CRYGS: variants seen among roughly 807,000 people sequenced by gnomAD.
The protein encoded by CRYGS is gamma-crystallin S.
Under a neutral mutation model 21.3 loss-of-function variants are expected in CRYGS, and 13 were observed. The observed-to-expected ratio is 0.61, with a 90% CI of 0.40 to 0.97. CRYGS has a LOEUF of 0.97. CRYGS is among the 50% of genes least tolerant of loss of function. The pLI is 0.00. For synonymous variants in CRYGS, 67 were observed against 75.0 expected, an observed-to-expected ratio of 0.89 and a Z score of 0.55; for missense variants, 205 against 229.7, an observed-to-expected ratio of 0.89 and a Z score of 0.69.
Position 186,544,355 on chromosome 3 carries a change from G to A in CRYGS, c.-29C>T, listed in dbSNP as rs956878374. On this transcript the variant is annotated 5_prime_UTR_variant, in exon 1 of 3. Coordinates refer to ENST00000307944, the MANE Select transcript of CRYGS (RefSeq NM_017541.4). ...TGGTGCATAGACTGGTTTTCCCAGT[G>A]CTGAAAGAAATTCAGGAATGGCTAC... The A allele has an allele frequency of 3.9e-6, 6 of 1,554,846 alleles. No individual in the cohort carries two copies. The highest frequency in any genetic ancestry group is 1.7e-4 in the Middle Eastern group (1 of 5,964).
intron 1 of CRYGS, among the ~76,000 whole-genome samples, chr3:186,541,111 A>G (rs1177383410): frequency 6.6e-6 from 1 of 152,188 alleles, no homozygotes; most frequent in African/African-American, 2.4e-5. Flanking sequence ...GATGATGAGA[A>G]AACAGTAAAG....
chr3:186,543,213 G>T (rs1272794179), intron 1 of CRYGS, among the ~76,000 whole-genome samples: 1 of 152,110 alleles, frequency 6.6e-6, no homozygotes, highest in East Asian at 1.9e-4. Context: ...GACATTTTTA[G>T]AGAGGCTAAA....
chr3:186,541,667 C>G (rs73055395), intron 1 of CRYGS, among the ~76,000 whole-genome samples: 3,832 of 152,252 alleles, frequency 0.025, 156 homozygotes, highest in African/African-American at 0.087. Flanking sequence ...TAAGCTTTTG[C>G]TACAGTTTTT....
intron 1 of CRYGS, among the ~76,000 whole-genome samples, chr3:186,541,000 T>C (rs1714051973): frequency 6.6e-6 from 1 of 152,168 alleles, no homozygotes; most frequent in Non-Finnish European, 1.5e-5. Context: ...TTGGTGATTA[T>C]GAGTGAGTTG....
intron 2 of CRYGS, 46 bp downstream of exon 2, chr3:186,539,309 A>T (rs759306588): frequency 2.0e-5 from 32 of 1,611,296 alleles, no homozygotes; most frequent in Non-Finnish European, 2.3e-5. Context: ...GAGAAAGCGG[A>T]CAGAGGGCGT....
rs1353796141 is a variant in CRYGS at position 186,539,470 on chromosome 3, T to C, written c.149A>G (p.Tyr50Cys). The C allele has an allele frequency of 6.2e-7, 1 of 1,613,374 alleles. No homozygotes were observed. The highest frequency in any genetic ancestry group is 1.1e-5 in the South Asian group (1 of 91,036). The change falls in exon 2 of 3, where the codon TAT (tyrosine) becomes TGT (cysteine). Residue 50 changes from tyrosine to cysteine, a missense_variant. Tyr to Cys is a radical substitution (Grantham distance 194, BLOSUM62 -2). Coordinates refer to ENST00000307944, the MANE Select transcript of CRYGS (RefSeq NM_017541.4). Reference protein sequence around the residue: ...IKVEGGTWAVYERPNFAGYMY... With the variant: ...IKVEGGTWAVCERPNFAGYMY... ...GTACCCAGCAAAGTTGGGCCTTTCATAAACAGCCCAGGTGCCTCCTTCCAC... is the reference window on the plus strand; with the variant it reads ...GTACCCAGCAAAGTTGGGCCTTTCACAAACAGCCCAGGTGCCTCCTTCCAC...
chr3:186,544,050 A>G (rs952604008), intron 1 of CRYGS, among the ~76,000 whole-genome samples: 3 of 152,226 alleles, frequency 2.0e-5, no homozygotes, highest in Admixed American at 2.0e-4. Flanking sequence ...AGAAGGCAGA[A>G]ATAATAATGA....
chr3:186,539,540 A>G lies in CRYGS; in HGVS notation c.79T>C (p.Cys27Arg). The G allele has an allele frequency of 6.2e-7, 1 of 1,614,124 alleles. No homozygotes were observed. The highest frequency in any genetic ancestry group is 1.1e-5 in the South Asian group (1 of 91,078). Reference sequence around the variant, plus strand: ...CTTAGGTATGTGTGGAAATCTGCACAGTCGCAATCACAGTCATAGCGACGG... The same window carrying G: ...CTTAGGTATGTGTGGAAATCTGCACGGTCGCAATCACAGTCATAGCGACGG... ...QGRRYDCDCD[C>R]ADFHTYLSRC... Residue 27 changes from cysteine (C) to arginine (R), a missense_variant, in exon 2 of 3, where the codon TGT becomes CGT. Transcript: ENST00000307944.
At chr3:186,542,211 T>A (rs1195996082) in intron 1 of CRYGS, among the ~76,000 whole-genome samples, 1 of 152,196 alleles carries the variant, frequency 6.6e-6, no homozygotes, top group Admixed American at 6.5e-5. Flanking sequence ...CAGCCAACCA[T>A]CCAAAAGTTG....
At chr3:186,540,708 T>C (rs1292463056) in intron 1 of CRYGS, 1 of 964,912 alleles carries the variant, frequency 1.0e-6, no homozygotes, top group East Asian at 1.1e-4. Flanking sequence ...GCTGATTTAC[T>C]TTATGGATTT....
rs143424000 is a variant in CRYGS, at chr3:186,539,587, T to A, written c.32A>T (p.Tyr11Phe). 1 of 1,613,898 alleles carries A rather than the reference T, an allele frequency of 6.2e-7. No homozygotes were observed. The highest frequency in any genetic ancestry group is 1.3e-5 in the African/African-American group (1 of 74,922). MSKTGTKITFYEDKNFQGRRY... is the reference protein window; with the variant it reads MSKTGTKITFFEDKNFQGRRY... ...ACGGCCTTGAAAATTTTTGTCTTCA[T>A]AGAAAGTAATCTGAAGTAGAGGGCC... is the stretch of plus-strand genomic sequence containing the variant. The change falls in exon 2 of 3, where the codon TAT becomes TTT. Residue 11 changes from tyrosine to phenylalanine, a missense_variant. By Grantham distance (22) the Tyr-to-Phe change is conservative. Transcript: ENST00000307944.
Position 186,544,335 on chromosome 3 carries a change from C to A in CRYGS, c.-9G>T, listed in dbSNP as rs1714140144. On this transcript the variant is annotated 5_prime_UTR_variant, in exon 1 of 3. The change abolishes an upstream ATG in the 5' untranslated region. Coordinates refer to ENST00000307944, the MANE Select transcript of CRYGS (RefSeq NM_017541.4). ...GTTCCAGTTTTAGACATTTTTGGTGCATAGACTGGTTTTCCCAGTGCTGAA... is the reference window on the plus strand; with the variant it reads ...GTTCCAGTTTTAGACATTTTTGGTGAATAGACTGGTTTTCCCAGTGCTGAA... 1.3e-6 allele frequency: 2 copies of A among 1,599,436 alleles called. No homozygotes were observed. Among genetic ancestry groups the A allele is most frequent in the South Asian group, 1.1e-5 (1 of 90,782 alleles).
At chr3:186,541,050 G>A (rs1714053466) in intron 1 of CRYGS, among the ~76,000 whole-genome samples, 2 of 152,088 alleles carry the variant, frequency 1.3e-5, no homozygotes, top group Non-Finnish European at 2.9e-5. Context: ...GGCTGCTGTG[G>A]GCCAGGTGAG....
chr3:186,538,616 GT>G lies in CRYGS; in HGVS notation c.*79del. ...GTCAGCAGTGGGATGCATGCCAACTGTTTTATTGATGATGCCTATTTGGACC... is the reference window on the plus strand; with the variant it reads ...GTCAGCAGTGGGATGCATGCCAACTGTTTATTGATGATGCCTATTTGGACC... On this transcript the variant is annotated 3_prime_UTR_variant, in exon 3 of 3. Transcript: ENST00000307944. 1 of 1,582,962 alleles carries G rather than the reference GT, an allele frequency of 6.3e-7. No individual in the cohort carries two copies. The highest frequency in any genetic ancestry group is 8.7e-7 in the Non-Finnish European group (1 of 1,153,712).
rs113031838 is a variant in CRYGS, at chr3:186,539,595, A to T, written c.24T>A (p.Ile8=). The part of the protein sequence containing the change: MSKTGTK[I]TFYEDKNFQG... Reference sequence around the variant, plus strand: ...GAAAATTTTTGTCTTCATAGAAAGTAATCTGAAGTAGAGGGCCAACAGAGA... The same window carrying T: ...GAAAATTTTTGTCTTCATAGAAAGTTATCTGAAGTAGAGGGCCAACAGAGA... Residue 8 remains isoleucine, a splice_region_variant and synonymous_variant, in exon 2 of 3, where the codon ATT becomes ATA. Transcript: ENST00000307944. 6.1e-4 allele frequency: 985 copies of T among 1,614,016 alleles called. 11 individuals are homozygous for T. In the African/African-American group the frequency reaches 0.012, roughly 19 times the overall value.
In CRYGS at chr3:186,538,792, G is replaced by C. The variant is rs776016933; in HGVS notation, c.441C>G (p.Gly147=). 111 of 1,614,014 alleles carry C rather than the reference G, an allele frequency of 6.9e-5. No individual in the cohort carries two copies. Among genetic ancestry groups the C allele is most frequent in the Non-Finnish European group, 9.0e-5 (106 of 1,180,014 alleles). The change falls in exon 3 of 3, where the codon GGC becomes GGG. Residue 147 remains glycine, a synonymous_variant. Transcript: ENST00000307944. ...CCTTCTTGTCCAGGAGGTACTGCCT[G>C]CCACGGTAGTTGGGTAGCTCATAGA... ...WIFYELPNYR[G]RQYLLDKKEY...
At position 186,539,599 on chromosome 3, in the gene CRYGS, T is replaced by A; in HGVS notation, c.22-2A>T. ...ATTTTTGTCTTCATAGAAAGTAATCTGAAGTAGAGGGCCAACAGAGAAAGA... is the reference window on the plus strand; with the variant it reads ...ATTTTTGTCTTCATAGAAAGTAATCAGAAGTAGAGGGCCAACAGAGAAAGA... On this transcript the variant is annotated splice_acceptor_variant, in intron 1 of 2. Transcript: ENST00000307944. LOFTEE classifies it high-confidence loss of function. 6 of 1,614,002 alleles carry A rather than the reference T, an allele frequency of 3.7e-6. No individual in the cohort carries two copies. The highest frequency in any genetic ancestry group is 5.1e-6 in the Non-Finnish European group (6 of 1,179,884).
intron 1 of CRYGS, among the ~76,000 whole-genome samples, chr3:186,543,978 T>C (rs145341731): frequency 6.6e-6 from 1 of 152,342 alleles, no homozygotes; most frequent in East Asian, 1.9e-4. Context: ...CTGCTCAATA[T>C]AATCCCCATT....
At position 186,539,334 on chromosome 3, in the gene CRYGS, G is replaced by A. The variant is rs369814169; in HGVS notation, c.264+21C>T. ...ACAGAGGGCGTGGGAAACAGAGGGA[G>A]TACACAGTCCCCAGACTCACCAGAT... On this transcript the variant is annotated intron_variant, in intron 2 of 2. Transcript: ENST00000307944. 3.1e-6 allele frequency: 5 copies of A among 1,612,102 alleles called. 1 individual carries two copies. The highest frequency in any genetic ancestry group is 4.2e-6 in the Non-Finnish European group (5 of 1,179,972).
Sources: gnomAD v4.1 joint callset for allele counts (sites outside exome capture counted in the v4.1 genomes callset) on GRCh38, gnomAD v4.1.1 for gene constraint, MANE v1.5 for transcripts, NCBI Gene and HGNC (gene_info 2026-07-23, HGNC 2026-07-21) for gene names.